UBAP2L: variants seen among roughly 807,000 people sequenced by gnomAD.
The protein encoded by UBAP2L is ubiquitin-associated protein 2-like.
Under a neutral mutation model 130.6 loss-of-function variants are expected in UBAP2L, and 12 were observed. The ratio of observed to expected loss-of-function variants is 0.09; its 90% CI spans 0.06 to 0.15. The LOEUF (loss-of-function observed/expected upper bound fraction) is 0.15, where lower values mean the gene tolerates loss of function less well. Among genes scored for constraint, UBAP2L ranks in the 10% least tolerant of loss-of-function variants. The pLI, the probability that UBAP2L is intolerant of heterozygous loss-of-function variation, is 1.00. For missense variants in UBAP2L, 965 were observed against 1,332.5 expected, an observed-to-expected ratio of 0.72 and a Z score of 4.29; for synonymous variants, 503 against 524.7, an observed-to-expected ratio of 0.96 and a Z score of 0.57.
rs1344174961 is a variant in UBAP2L at position 154,270,773 on chromosome 1, T to TTG, written c.*479_*480insGT. On this transcript the variant is annotated 3_prime_UTR_variant, in exon 27 of 27. Coordinates refer to ENST00000428931, the MANE Select transcript of UBAP2L (RefSeq NM_014847.4). ...TAGTTGAAGTGGTTTTTTTTTTGTTTTTTTTTTTTTTTTGTACTGTGTCCT... is the reference window on the plus strand; with the variant it reads ...TAGTTGAAGTGGTTTTTTTTTTGTTTTGTTTTTTTTTTTTTGTACTGTGTCCT... 1.3e-5 allele frequency: 16 copies of TTG among 1,199,160 alleles called. No homozygotes were observed. The highest frequency in any genetic ancestry group is 3.8e-5 in the East Asian group (1 of 26,552). The allele number at this position is 1,199,160 out of a possible 1,614,324, so 74.3% of individuals were successfully genotyped here. A position where few individuals can be genotyped will look rare whatever the true frequency, so the allele number is the denominator to read the frequency against.
intron 20 of UBAP2L, chr1:154,257,656 T>A: frequency 3.5e-6 from 2 of 565,144 alleles, no homozygotes; most frequent in South Asian, 4.5e-5. Context: ...ATAAACAGCG[T>A]GCAGTTCAAA....
Position 154,255,713 on chromosome 1 carries a change from A to C in UBAP2L, c.2115A>C (p.Ser705=). ...STLSTQQNTL[S]SSTSSGRTST... ...TATCTACGCAGCAGAATACCCTTTC[A>C]TCATCAACATCTTCTGGGCGCACTT... The change falls in exon 18 of 27, where the codon TCA becomes TCC. Residue 705 remains serine, a synonymous_variant. Coordinates refer to ENST00000428931, the MANE Select transcript of UBAP2L (RefSeq NM_014847.4). The C allele has an allele frequency of 6.2e-7, 1 of 1,614,138 alleles. No individual in the cohort carries two copies.
intron 4 of UBAP2L, among the ~76,000 whole-genome samples, chr1:154,234,069 A>G (rs1387671154): frequency 6.6e-6 from 1 of 152,048 alleles, no homozygotes; most frequent in East Asian, 1.9e-4. Context: ...TCACGTCTGT[A>G]ATCCCAGCAC....
chr1:154,238,395 CAAAT>C (rs969808654), intron 8 of UBAP2L, among the ~76,000 whole-genome samples: 2 of 152,168 alleles, frequency 1.3e-5, no homozygotes, highest in African/African-American at 2.4e-5. Context: ...GTCTCAATAA[CAAAT>C]AAGTTACTGT....
At chr1:154,225,527 G>A (rs2148461096) in intron 2 of UBAP2L, among the ~76,000 whole-genome samples, 1 of 151,558 alleles carries the variant, frequency 6.6e-6, no homozygotes, top group African/African-American at 2.4e-5. Context: ...AAAGTGCAGT[G>A]GCACAGTCAC....
chr1:154,237,593 C>G (rs1672098608), intron 8 of UBAP2L, among the ~76,000 whole-genome samples: 1 of 152,116 alleles, frequency 6.6e-6, no homozygotes, highest in Admixed American at 6.6e-5. Flanking sequence ...TGAACAAGGC[C>G]TAGAATCAAA....
intron 24 of UBAP2L, chr1:154,263,167 G>T: frequency 6.4e-7 from 1 of 1,551,762 alleles, no homozygotes; most frequent in Middle Eastern, 1.7e-4. Flanking sequence ...GCCCAAGGCT[G>T]GGGGCTGTGT....
At chr1:154,263,273 G>A (rs1223586876) in intron 24 of UBAP2L, 3 of 1,498,744 alleles carry the variant, frequency 2.0e-6, no homozygotes, top group Non-Finnish European at 2.7e-6. Context: ...TGCGTGGCTT[G>A]GGGAAATGAG....
In UBAP2L at chr1:154,243,175, G is replaced by A. The variant is rs73014946; in HGVS notation, c.757-42G>A. On this transcript the variant is annotated intron_variant, in intron 9 of 26. Coordinates refer to ENST00000428931, the MANE Select transcript of UBAP2L (RefSeq NM_014847.4). ...TACCTATGCCAAGTTTCTGACTGTA[G>A]CATCCCTGACACCAAGAGTGACTAA... is the stretch of plus-strand genomic sequence containing the variant. 8.4e-4 allele frequency: 1,317 copies of A among 1,562,038 alleles called. 12 individuals carry two copies. The African/African-American group carries it at 0.015, about 18-fold the overall frequency.
At chr1:154,220,330 T>C (rs573636657), upstream of UBAP2L, 5 of 1,613,544 alleles carry the variant, frequency 3.1e-6, no homozygotes, top group South Asian at 3.3e-5. Flanking sequence ...TGGGGTGGGG[T>C]AATCTCCTCA....
intron 4 of UBAP2L, among the ~76,000 whole-genome samples, chr1:154,230,346 G>A (rs1337288917): frequency 6.6e-6 from 1 of 152,176 alleles, no homozygotes; most frequent in Non-Finnish European, 1.5e-5. Context: ...AGTCACTCCA[G>A]CTAAATGCAG....
intron 5 of UBAP2L, 154 bp downstream of exon 5, chr1:154,234,913 A>T: frequency 1.9e-6 from 2 of 1,038,906 alleles, no homozygotes; most frequent in Non-Finnish European, 1.4e-6. Flanking sequence ...CATCTCTTGC[A>T]TGTGGCCTTT....
At chr1:154,257,940 C>G (rs578254083) in intron 20 of UBAP2L, 2 of 154,248 alleles carry the variant, frequency 1.3e-5, no homozygotes, top group East Asian at 3.8e-4. Context: ...CATCTGGAAT[C>G]CTTTTTGGTT....
intron 12 of UBAP2L, among the ~76,000 whole-genome samples, chr1:154,250,618 C>G (rs1216238698): frequency 6.6e-6 from 1 of 152,040 alleles, no homozygotes; most frequent in Non-Finnish European, 1.5e-5. Context: ...CTTCGAGAAG[C>G]CGAGGCGGAC....
intron 12 of UBAP2L, among the ~76,000 whole-genome samples, chr1:154,250,077 G>A (rs1677008581): frequency 6.6e-6 from 1 of 152,008 alleles, no homozygotes; most frequent in African/African-American, 2.4e-5. Context: ...GACTTTATGC[G>A]AAACATAAGA....
At chr1:154,240,888 G>A (rs186769534) in intron 8 of UBAP2L, among the ~76,000 whole-genome samples, 41 of 151,504 alleles carry the variant, frequency 2.7e-4, no homozygotes, top group Admixed American at 2.2e-3. Flanking sequence ...AAATCAACCT[G>A]AGGACCTTAA....
rs576295160 is a variant in UBAP2L at position 154,249,796 on chromosome 1, A to AG, written c.1213+360dup. The stretch of plus-strand genomic sequence containing the variant: ...TAAAAAAATTGTTTTCAATTAGCTG[A>AG]GTGCGGTGGTGTGCACCTGTGGTCC... On this transcript the variant is annotated intron_variant, in intron 12 of 26. Transcript: ENST00000428931. 1.3e-3 allele frequency among the ~76,000 whole-genome samples: 199 copies of AG among 148,812 alleles called. 1 individual carries two copies. The highest frequency in any genetic ancestry group is 4.8e-3 in the African/African-American group (193 of 40,048).
rs114313994 is a variant in UBAP2L, at chr1:154,225,048, C to A, written c.-40-36C>A. Reference sequence around the variant, plus strand: ...GAGAGAGTTAAAAACATATTTTGCCCACATTTAATACCTAATTTTCTTTTA... The same window carrying A: ...GAGAGAGTTAAAAACATATTTTGCCAACATTTAATACCTAATTTTCTTTTA... On this transcript the variant is annotated intron_variant, in intron 1 of 26. Coordinates refer to ENST00000428931, the MANE Select transcript of UBAP2L (RefSeq NM_014847.4). 1.1e-3 allele frequency: 1,679 copies of A among 1,487,578 alleles called. 22 individuals are homozygous for A. In the African/African-American group the frequency reaches 0.021, roughly 18 times the overall value. 92.1% of individuals were successfully genotyped at this position (1,487,578 alleles called of 1,614,324 possible). A position where few individuals can be genotyped will look rare whatever the true frequency, so the allele number is the denominator to read the frequency against.
chr1:154,225,117 A>G lies in UBAP2L; in HGVS notation c.-7A>G. The stretch of plus-strand genomic sequence containing the variant: ...CTTGTAAATACTGTTATTTGTATAT[A>G]CTGTAAATGATGACATCGGTGGGCA... On this transcript the variant is annotated 5_prime_UTR_variant, in exon 2 of 27. The change creates a new upstream start codon in the 5' untranslated region. Coordinates refer to ENST00000428931, the MANE Select transcript of UBAP2L (RefSeq NM_014847.4). 6.2e-7 allele frequency: 1 copy of G among 1,613,974 alleles called. No homozygotes were observed. The highest frequency in any genetic ancestry group is 1.3e-5 in the African/African-American group (1 of 75,036).
Sources: gnomAD v4.1 joint callset for allele counts (sites outside exome capture counted in the v4.1 genomes callset) on GRCh38, gnomAD v4.1.1 for gene constraint, MANE v1.5 for transcripts, NCBI Gene and HGNC (gene_info 2026-07-23, HGNC 2026-07-21) for gene names.